CHCHD3: variants seen among roughly 807,000 people sequenced by gnomAD.
The protein encoded by CHCHD3 is coiled-coil-helix-coiled-coil-helix domain containing 3.
Under a neutral mutation model 38.2 loss-of-function variants are expected in CHCHD3, and 20 were observed. That is an observed-to-expected ratio of 0.52 (90% CI 0.37 to 0.76). The LOEUF (loss-of-function observed/expected upper bound fraction) is 0.76. Among genes scored for constraint, CHCHD3 ranks in the 30% least tolerant of loss-of-function variants. CHCHD3 has a pLI of 0.00. For synonymous variants in CHCHD3, 82 were observed against 100.0 expected (o/e 0.82, Z 1.07); for missense variants, 245 against 279.2 (o/e 0.88, Z 0.87).
At chr7:132,938,990 G>A (rs1285532246) in intron 4 of CHCHD3, among the ~76,000 whole-genome samples, 1 of 152,124 alleles carries the variant, frequency 6.6e-6, no homozygotes, top group Admixed American at 6.5e-5. Flanking sequence ...AAGGTGGAGG[G>A]AAAACAATAA....
intron 3 of CHCHD3, among the ~76,000 whole-genome samples, chr7:133,004,485 C>A (rs1812650484): frequency 1.3e-5 from 2 of 152,160 alleles, no homozygotes; most frequent in African/African-American, 4.8e-5. Flanking sequence ...AGGTAAAATT[C>A]AAATACAAGA....
chr7:132,810,946 C>T (rs1318264034), intron 6 of CHCHD3, among the ~76,000 whole-genome samples: 1 of 152,160 alleles, frequency 6.6e-6, no homozygotes, highest in Non-Finnish European at 1.5e-5. Flanking sequence ...TATGGCACTT[C>T]TTTGGTAAAC....
At chr7:132,999,360 A>T (rs190003934) in intron 3 of CHCHD3, among the ~76,000 whole-genome samples, 24 of 152,320 alleles carry the variant, frequency 1.6e-4, no homozygotes, top group African/African-American at 5.8e-4. Context: ...AATCCAATTA[A>T]CGATACTGTT....
At chr7:133,080,885 G>T (rs1815153025) in intron 1 of CHCHD3, among the ~76,000 whole-genome samples, 1 of 150,974 alleles carries the variant, frequency 6.6e-6, no homozygotes, top group Non-Finnish European at 1.5e-5. Flanking sequence ...ATTTATTTAC[G>T]CTGGTTGATA....
At chr7:132,843,563 T>C (rs1807996042) in intron 5 of CHCHD3, among the ~76,000 whole-genome samples, 1 of 152,214 alleles carries the variant, frequency 6.6e-6, no homozygotes, top group Non-Finnish European at 1.5e-5. Context: ...GGCAGATCAC[T>C]GGTGGACCCC....
intron 4 of CHCHD3, among the ~76,000 whole-genome samples, chr7:132,909,477 C>T (rs1490563712): frequency 1.3e-5 from 2 of 152,018 alleles, no homozygotes; most frequent in African/African-American, 4.8e-5. Context: ...GGTGACAGAG[C>T]GAGCCTCCAT....
chr7:133,058,764 C>T (rs1006049839), intron 2 of CHCHD3, among the ~76,000 whole-genome samples: 37 of 152,136 alleles, frequency 2.4e-4, no homozygotes, highest in African/African-American at 8.5e-4. Flanking sequence ...GAAGCCAATC[C>T]GACATCATTA....
chr7:132,862,401 T>A (rs1026083425), intron 5 of CHCHD3, among the ~76,000 whole-genome samples: 2 of 152,232 alleles, frequency 1.3e-5, no homozygotes, highest in Non-Finnish European at 2.9e-5. Context: ...ATGTTTATAA[T>A]ACACTGTAGT....
intron 2 of CHCHD3, among the ~76,000 whole-genome samples, chr7:133,026,813 G>A (rs991078894): frequency 4.6e-5 from 7 of 152,122 alleles, no homozygotes; most frequent in African/African-American, 1.7e-4. Flanking sequence ...GAAATGTCCA[G>A]AATAGAAAAG....
intron 6 of CHCHD3, among the ~76,000 whole-genome samples, chr7:132,818,383 A>G (rs1481280416): frequency 6.6e-6 from 1 of 152,220 alleles, no homozygotes; most frequent in Non-Finnish European, 1.5e-5. Context: ...TCCAGTTTTA[A>G]TTGAGCCAGA....
At chr7:133,041,602 T>A (rs1218670123) in intron 2 of CHCHD3, among the ~76,000 whole-genome samples, 1 of 152,218 alleles carries the variant, frequency 6.6e-6, no homozygotes. Flanking sequence ...CCATTCTGCA[T>A]AATAGCAGCA....
intron 2 of CHCHD3, among the ~76,000 whole-genome samples, chr7:133,032,729 G>A (rs1584658758): frequency 6.6e-6 from 1 of 152,184 alleles, no homozygotes; most frequent in East Asian, 1.9e-4. Context: ...TTGAGAATCA[G>A]ATATATCTAG....
chr7:132,860,448 C>A (rs534911178), intron 5 of CHCHD3, among the ~76,000 whole-genome samples: 1 of 152,222 alleles, frequency 6.6e-6, no homozygotes, highest in Non-Finnish European at 1.5e-5. Context: ...GCCAGAGATA[C>A]AGGAATCATC....
intron 3 of CHCHD3, among the ~76,000 whole-genome samples, chr7:132,984,903 G>A (rs1402212762): frequency 3.1e-5 from 3 of 97,902 alleles, no homozygotes; most frequent in Admixed American, 1.0e-4. Context: ...GGAGGTGGGG[G>A]GGTCAGCCCC....
chr7:132,910,197 G>A lies in CHCHD3; in HGVS notation c.370-24452C>T, dbSNP rs1457013001. On this transcript the variant is annotated intron_variant, in intron 4 of 7. Transcript: ENST00000262570. ...AGGGCGGCCCTGGAACCCATCCACT[G>A]TGTATACCTAGGGACAACTGTATTT... 2.6e-5 allele frequency among the ~76,000 whole-genome samples: 4 copies of A among 152,308 alleles called. 1 individual carries two copies. The South Asian group carries it at 8.3e-4, about 32-fold the overall frequency.
At chr7:132,864,573 C>A (rs1808570796) in intron 5 of CHCHD3, among the ~76,000 whole-genome samples, 1 of 152,052 alleles carries the variant, frequency 6.6e-6, no homozygotes, top group Non-Finnish European at 1.5e-5. Flanking sequence ...TGCAGGGTTG[C>A]CACAAACTTT....
In CHCHD3 at chr7:132,903,282, A is replaced by T. The variant is rs1313489750; in HGVS notation, c.370-17537T>A. On this transcript the variant is annotated intron_variant, in intron 4 of 7. Coordinates refer to ENST00000262570, the MANE Select transcript of CHCHD3 (RefSeq NM_017812.4). ...ATACAATGTAAATGCTATGTAAGTA[A>T]TTATTATCCTGTATTTATTTTTTAT... 2.0e-5 allele frequency among the ~76,000 whole-genome samples: 3 copies of T among 152,154 alleles called. No homozygotes were observed. In the East Asian group the frequency reaches 5.8e-4, roughly 29 times the overall value.
chr7:132,879,702 C>T (rs1809001236), intron 5 of CHCHD3, among the ~76,000 whole-genome samples: 1 of 55,176 alleles, frequency 1.8e-5, no homozygotes, highest in Non-Finnish European at 3.3e-5. Context: ...ACTATCAGAA[C>T]ACTTTGTCAA....
At chr7:133,024,247 G>A (rs1813270476) in intron 3 of CHCHD3, among the ~76,000 whole-genome samples, 1 of 152,158 alleles carries the variant, frequency 6.6e-6, no homozygotes, top group Non-Finnish European at 1.5e-5. Context: ...CTGATCGACT[G>A]GGAAATTCCT....
Sources: gnomAD v4.1 joint callset for allele counts (sites outside exome capture counted in the v4.1 genomes callset) on GRCh38, gnomAD v4.1.1 for gene constraint, MANE v1.5 for transcripts, NCBI Gene and HGNC (gene_info 2026-07-23, HGNC 2026-07-21) for gene names.